Variants in SLC14A1 observed in about 807,000 individuals in gnomAD.
SLC14A1 encodes the protein solute carrier family 14 member 1 (Kidd blood group).
SLC14A1 carries 36 observed loss-of-function variants against 39.6 expected under a neutral mutation model. That is an observed-to-expected ratio of 0.91 (90% confidence interval 0.70 to 1.20). The LOEUF (loss-of-function observed/expected upper bound fraction) is 1.20, where lower values mean the gene tolerates loss of function less well. Among genes scored for constraint, SLC14A1 ranks in the 50% most tolerant of loss-of-function variants. The pLI is 0.00. For missense variants in SLC14A1, 469 were observed against 478.7 expected (o/e 0.98, Z 0.19); for synonymous variants, 164 against 173.6 (o/e 0.94, Z 0.43).
In SLC14A1 at chr18:45,749,949, T is replaced by G. The variant is rs1328404230; in HGVS notation, c.1168T>G (p.Ter390GlyextTer59). Reference protein sequence around the residue: ...AKKRMVESPL* With the variant: ...AKKRMVESPLG ...GAAAAGAATGGTGGAAAGCCCTTTG[T>G]GAGAACAAGCCCCATTTGCAGCCAT... Residue 390 changes from the stop codon to glycine, a stop_lost, in exon 10 of 10, where the codon TGA becomes GGA. Transcript: ENST00000321925. The G allele has an allele frequency of 1.2e-6, 2 of 1,614,196 alleles. No individual in the cohort carries two copies. The highest frequency in any genetic ancestry group is 1.7e-6 in the Non-Finnish European group (2 of 1,180,036).
Position 45,751,612 on chromosome 18 carries a change from T to C in SLC14A1, c.*1661T>C. 1 of 678,144 alleles carries C rather than the reference T, an allele frequency of 1.5e-6. No individual in the cohort carries two copies. Among genetic ancestry groups the C allele is most frequent in the Non-Finnish European group, 1.8e-6 (1 of 550,344 alleles). 42.0% of individuals were successfully genotyped at this position (678,144 alleles called of 1,614,324 possible). ...GGGCAACATAGCAAGACTCCATCTC[T>C]TAAAAAATAAAAATAGTAACATTAG... On this transcript the variant is annotated 3_prime_UTR_variant, in exon 10 of 10. Transcript: ENST00000321925.
rs2047097131 is a variant in SLC14A1, at chr18:45,733,659, C to T, written c.342-615C>T. On this transcript the variant is annotated intron_variant, in intron 4 of 9. Coordinates refer to ENST00000321925, the MANE Select transcript of SLC14A1 (RefSeq NM_015865.7). ...AGAGCAGATTGCCTTACTAAACTCCCCTTTCCTCTCAGCCACTGTAGACCT... is the reference window on the plus strand; with the variant it reads ...AGAGCAGATTGCCTTACTAAACTCCTCTTTCCTCTCAGCCACTGTAGACCT... 2.0e-5 allele frequency among the ~76,000 whole-genome samples: 3 copies of T among 152,330 alleles called. No homozygotes were observed. The South Asian group carries it at 6.2e-4, about 32-fold the overall frequency.
At chr18:45,724,437 T>C (rs900890610) in intron 1 of SLC14A1, among the ~76,000 whole-genome samples, 164 bp downstream of exon 1, 1 of 152,182 alleles carries the variant, frequency 6.6e-6, no homozygotes, top group Non-Finnish European at 1.5e-5. Context: ...AGAAAGCAAT[T>C]TACCAAAGCC....
At chr18:45,736,220 C>T (rs186925218) in intron 5 of SLC14A1, among the ~76,000 whole-genome samples, 1 of 152,228 alleles carries the variant, frequency 6.6e-6, no homozygotes, top group East Asian at 1.9e-4. Context: ...CTCTGAGCAA[C>T]CCCAGAGTAG....
chr18:45,749,679 C>A, intron 9 of SLC14A1, 99 bp from the exon 10 acceptor site: 1 of 1,375,804 alleles, frequency 7.3e-7, no homozygotes, highest in Non-Finnish European at 1.0e-6. Flanking sequence ...CCCAGTGGTT[C>A]ATCCCCCTGG....
Position 45,730,370 on chromosome 18 carries a change from G to C in SLC14A1, c.50G>C (p.Arg17Thr), listed in dbSNP as rs1278050013. 6.2e-7 allele frequency: 1 copy of C among 1,614,174 alleles called. No individual in the cohort carries two copies. Among genetic ancestry groups the C allele is most frequent in the East Asian group, 2.2e-5 (1 of 44,880 alleles). The change falls in exon 3 of 10, where the codon AGG becomes ACG. Residue 17 changes from arginine to threonine, a missense_variant. Arg to Thr is a moderately conservative substitution (Grantham distance 71). Coordinates refer to ENST00000321925, the MANE Select transcript of SLC14A1 (RefSeq NM_015865.7). ...AGAGTGGACAGCCCCACTATGGTTA[G>C]GGGTGAAAACCAGGTTTCGCCATGT... Reference protein sequence around the residue: ...MVRVDSPTMVRGENQVSPCQG... With the variant: ...MVRVDSPTMVTGENQVSPCQG...
In SLC14A1 at chr18:45,750,183, A is replaced by T; in HGVS notation, c.*232A>T. The T allele has an allele frequency of 8.5e-6, 12 of 1,419,454 alleles. No individual in the cohort carries two copies. Among genetic ancestry groups the T allele is most frequent in the Non-Finnish European group, 1.1e-5 (12 of 1,091,078 alleles). The allele number at this position is 1,419,454 out of a possible 1,614,324, so 87.9% of individuals were successfully genotyped here. The stretch of plus-strand genomic sequence containing the variant: ...CTCTGGTATGGAATTTGAAACCCCA[A>T]TGGGGCCTTGGCACTAAGACTGGAA... On this transcript the variant is annotated 3_prime_UTR_variant, in exon 10 of 10. Transcript: ENST00000321925.
chr18:45,733,770 C>T (rs888528486), intron 4 of SLC14A1, among the ~76,000 whole-genome samples: 11 of 152,166 alleles, frequency 7.2e-5, no homozygotes, highest in African/African-American at 2.4e-4. Flanking sequence ...CTGTCTGTGG[C>T]CTGTTGGGAA....
In SLC14A1 at chr18:45,739,715, T is replaced by G. The variant is rs980885816; in HGVS notation, c.946+53T>G. 8 of 1,612,562 alleles carry G rather than the reference T, an allele frequency of 5.0e-6. No homozygotes were observed. The African/African-American group carries it at 1.1e-4, about 22-fold the overall frequency. On this transcript the variant is annotated intron_variant, in intron 8 of 9. Transcript: ENST00000321925. ...GCTGCTCATGACTACAGGATCTCAA[T>G]CAAGGATAAGCAGTAAAAACGGACT...
chr18:45,738,776 C>CA (rs1308743734), intron 6 of SLC14A1, among the ~76,000 whole-genome samples: 2 of 152,224 alleles, frequency 1.3e-5, no homozygotes, highest in African/African-American at 2.4e-5. Flanking sequence ...CATTTGAAAG[C>CA]AAAAGAAGTG....
chr18:45,748,573 T>C (rs1328243616), intron 9 of SLC14A1, 148 bp downstream of exon 9: 1 of 810,236 alleles, frequency 1.2e-6, no homozygotes, highest in Non-Finnish European at 2.1e-6. Context: ...TGGAGCTCCC[T>C]GGCCTTTCTT....
intron 2 of SLC14A1, among the ~76,000 whole-genome samples, chr18:45,725,297 C>T (rs2046834831): frequency 6.6e-6 from 1 of 152,176 alleles, no homozygotes; most frequent in Non-Finnish European, 1.5e-5. Context: ...CTTCATTTTA[C>T]TAGTGATCTG....
chr18:45,736,937 G>GGGTGGT (rs2047215926), intron 6 of SLC14A1, among the ~76,000 whole-genome samples: 1 of 152,064 alleles, frequency 6.6e-6, no homozygotes, highest in African/African-American at 2.4e-5. Context: ...GTAAGCTTGG[G>GGGTGGT]GGTGGGGGTG....
chr18:45,737,436 G>A (rs902305047), intron 6 of SLC14A1: 2 of 152,226 alleles, frequency 1.3e-5, no homozygotes, highest in African/African-American at 4.8e-5. Flanking sequence ...GAGAACACCT[G>A]AAATTAGAAG....
chr18:45,729,390 C>G (rs4310958), intron 2 of SLC14A1: 63,263 of 152,052 alleles, frequency 0.42, 14,181 homozygotes, highest in East Asian at 0.52. Flanking sequence ...CTTCAAGGTA[C>G]CAAATTCTGG....
intron 2 of SLC14A1, chr18:45,727,374 A>G: frequency 6.4e-7 from 1 of 1,550,774 alleles, no homozygotes; most frequent in Non-Finnish European, 8.7e-7. Flanking sequence ...GCGCAGAGGC[A>G]TCGCCCGGCT....
intron 1 of SLC14A1, among the ~76,000 whole-genome samples, chr18:45,724,613 T>C (rs1280939824): frequency 6.6e-6 from 1 of 152,200 alleles, no homozygotes; most frequent in Non-Finnish European, 1.5e-5. Flanking sequence ...TCAGGTTGTG[T>C]TCTTGAAATA....
intron 8 of SLC14A1, among the ~76,000 whole-genome samples, chr18:45,740,408 C>G (rs1397625465): frequency 6.6e-6 from 1 of 151,318 alleles, no homozygotes. Context: ...GATTCAGCGT[C>G]AGAGATAAGG....
intron 8 of SLC14A1, among the ~76,000 whole-genome samples, chr18:45,742,647 C>G (rs1010167154): frequency 6.9e-6 from 1 of 144,668 alleles, no homozygotes; most frequent in Admixed American, 7.0e-5. Context: ...TATGAGCCAC[C>G]GCACCTGGCG....
Sources: gnomAD v4.1 joint callset for allele counts (sites outside exome capture counted in the v4.1 genomes callset) on GRCh38, gnomAD v4.1.1 for gene constraint, MANE v1.5 for transcripts, NCBI Gene and HGNC (gene_info 2026-07-23, HGNC 2026-07-21) for gene names.